The following COG3 variants were observed in gnomAD, a reference collection of about 807,000 sequenced individuals.
COG3 encodes the protein conserved oligomeric Golgi complex subunit 3.
In COG3, 32 loss-of-function variants were observed where a neutral mutation model predicts 114.1. That is an observed-to-expected ratio of 0.28 (90% CI 0.21 to 0.38). The LOEUF (loss-of-function observed/expected upper bound fraction) is 0.38. Ranked by LOEUF, COG3 falls within the 10% of genes least tolerant of loss-of-function variation. The pLI, the probability that COG3 is intolerant of heterozygous loss-of-function variation, is 1.00. For synonymous variants in COG3, 352 were observed against 365.7 expected (o/e 0.96, Z 0.43); for missense variants, 813 against 973.2 (o/e 0.84, Z 2.19).
intron 3 of COG3, among the ~76,000 whole-genome samples, chr13:45,479,659 G>A (rs962005511): frequency 6.6e-5 from 10 of 152,206 alleles, no homozygotes. Context: ...CCTGAGGCCT[G>A]GAAATAATAA....
intron 14 of COG3, among the ~76,000 whole-genome samples, chr13:45,506,406 G>A (rs1224707115): frequency 6.6e-6 from 1 of 152,160 alleles, no homozygotes; most frequent in East Asian, 1.9e-4. Context: ...GGTTGGCAGT[G>A]TAGTTTGCGT....
chr13:45,503,986 T>C (rs184072495), intron 14 of COG3, among the ~76,000 whole-genome samples: 1 of 152,204 alleles, frequency 6.6e-6, no homozygotes, highest in East Asian at 1.9e-4. Context: ...GGGTACATGT[T>C]ATACAAGGAG....
At chr13:45,483,569 A>G (rs1237543653) in intron 7 of COG3, among the ~76,000 whole-genome samples, 1 of 152,228 alleles carries the variant, frequency 6.6e-6, no homozygotes, top group Non-Finnish European at 1.5e-5. Context: ...AATGTTTAAT[A>G]GTGTGAGAAG....
intron 13 of COG3, among the ~76,000 whole-genome samples, chr13:45,497,809 CAACAACAACA>C (rs1300448068): frequency 2.0e-5 from 3 of 150,518 alleles, no homozygotes; most frequent in African/African-American, 7.5e-5. Flanking sequence ...ACAACAACAA[CAACAACAACA>C]AAGTATGACC....
chr13:45,474,297 A>C (rs1885717539), intron 1 of COG3, among the ~76,000 whole-genome samples: 1 of 151,486 alleles, frequency 6.6e-6, no homozygotes, highest in Non-Finnish European at 1.5e-5. Flanking sequence ...AGCTGGGACT[A>C]CAGGCGCCTG....
At chr13:45,511,491 A>G (rs1275215355) in intron 15 of COG3, among the ~76,000 whole-genome samples, 3 of 152,236 alleles carry the variant, frequency 2.0e-5, no homozygotes, top group East Asian at 1.9e-4. Flanking sequence ...ATGCCTGCCT[A>G]TATTTCTAGC....
At chr13:45,478,028 T>C (rs1885995059) in intron 2 of COG3, among the ~76,000 whole-genome samples, 1 of 152,234 alleles carries the variant, frequency 6.6e-6, no homozygotes, top group Non-Finnish European at 1.5e-5. Context: ...CAAAGCACTA[T>C]GTTACCTACT....
At chr13:45,523,407 T>C (rs1566271836) in intron 19 of COG3, among the ~76,000 whole-genome samples, 1 of 151,958 alleles carries the variant, frequency 6.6e-6, no homozygotes, top group Non-Finnish European at 1.5e-5. Flanking sequence ...GATAGAAAAA[T>C]AGGTAAACAT....
chr13:45,467,948 C>A (rs1003036686), intron 1 of COG3, among the ~76,000 whole-genome samples: 1 of 152,172 alleles, frequency 6.6e-6, no homozygotes, highest in East Asian at 1.9e-4. Flanking sequence ...ATGTTAACTT[C>A]TTTAGAAAAT....
At chr13:45,492,353 G>C in intron 11 of COG3, 103 bp downstream of exon 11, 1 of 580,000 alleles carries the variant, frequency 1.7e-6, no homozygotes, top group East Asian at 3.3e-5. Flanking sequence ...ACTGGAGAAT[G>C]TTTTAACTTG....
chr13:45,488,090 C>G (rs942001952), intron 8 of COG3, among the ~76,000 whole-genome samples: 1 of 152,120 alleles, frequency 6.6e-6, no homozygotes, highest in African/African-American at 2.4e-5. Flanking sequence ...GTGAATGGAA[C>G]TAGAGGTCAT....
At chr13:45,513,256 A>G (rs867504977) in intron 16 of COG3, among the ~76,000 whole-genome samples, 1 of 56,140 alleles carries the variant, frequency 1.8e-5, no homozygotes, top group African/African-American at 7.0e-5. Context: ...TACATATAAT[A>G]TATACATATA....
At position 45,480,149 on chromosome 13, in the gene COG3, G is replaced by A. The variant is rs1886160703; in HGVS notation, c.408G>A (p.Gly136=). 5.0e-6 allele frequency: 8 copies of A among 1,611,824 alleles called. No individual in the cohort carries two copies. In the East Asian group the frequency reaches 1.8e-4, roughly 36 times the overall value. The part of the protein sequence containing the change: ...KYRQMRDYLS[G]FQEQCDAILN... ...GACAGATGAGGGATTACTTGTCTGG[G>A]TTTCAGGAGCAGTGTGATGCTATAT... Residue 136 remains glycine, a synonymous_variant, in exon 4 of 23, where the codon GGG becomes GGA. Coordinates refer to ENST00000349995, the MANE Select transcript of COG3 (RefSeq NM_031431.4).
intron 3 of COG3, among the ~76,000 whole-genome samples, chr13:45,479,499 G>A (rs774356495): frequency 3.3e-5 from 5 of 152,186 alleles, no homozygotes; most frequent in Non-Finnish European, 7.3e-5. Flanking sequence ...TTTGGGGGCT[G>A]TGGGTTGAGT....
chr13:45,494,799 T>TA, intron 12 of COG3, among the ~76,000 whole-genome samples: 1 of 152,110 alleles, frequency 6.6e-6, no homozygotes, highest in Non-Finnish European at 1.5e-5. Context: ...GTGCTGGGAT[T>TA]ACAGGTGTGG....
At chr13:45,465,382 C>CTCTGCCTGCGACCCCGACTCTAAT in intron 1 of COG3, 172 bp downstream of exon 1, 1 of 1,145,744 alleles carries the variant, frequency 8.7e-7, no homozygotes, top group Non-Finnish European at 1.2e-6. Context: ...TCAGGCTTCG[C>CTCTGCCTGCGACCCCGACTCTAAT]TCTGCCTGCG....
intron 16 of COG3, among the ~76,000 whole-genome samples, chr13:45,512,318 C>T (rs1870952975): frequency 6.6e-6 from 1 of 152,128 alleles, no homozygotes; most frequent in Admixed American, 6.5e-5. Flanking sequence ...GTCACCATGA[C>T]TGTATGGCTT....
At chr13:45,479,736 A>T (rs943338870) in intron 3 of COG3, among the ~76,000 whole-genome samples, 3 of 152,178 alleles carry the variant, frequency 2.0e-5, no homozygotes, top group African/African-American at 7.2e-5. Flanking sequence ...CTAATTCTAA[A>T]TCTAGAATTC....
intron 14 of COG3, among the ~76,000 whole-genome samples, chr13:45,506,301 G>A (rs1442440566): frequency 2.0e-5 from 3 of 152,080 alleles, no homozygotes; most frequent in African/African-American, 4.8e-5. Flanking sequence ...GGAGCAAATG[G>A]AGATAGAGGA....
Sources: allele counts gnomAD v4.1 joint callset (sites outside exome capture counted in the v4.1 genomes callset), GRCh38; gene constraint gnomAD v4.1.1; transcripts MANE v1.5; gene names NCBI Gene and HGNC (gene_info 2026-07-23, HGNC 2026-07-21).